Variants in RPS6KC1 observed in about 807,000 individuals in gnomAD.
RPS6KC1 encodes the protein inactive ribosomal protein S6 kinase delta-1.
Under a neutral mutation model 103.8 loss-of-function variants are expected in RPS6KC1, and 54 were observed. That is an observed-to-expected ratio of 0.52 (90% CI 0.42 to 0.65). The LOEUF (loss-of-function observed/expected upper bound fraction) is 0.65. RPS6KC1 is among the 30% of genes least tolerant of loss of function. The probability of loss-of-function intolerance (pLI) is 0.00; values close to 1 mark genes in which losing one functional copy is unlikely to be tolerated. For missense variants in RPS6KC1, 1,151 were observed against 1,253.8 expected (o/e 0.92, Z 1.24); for synonymous variants, 439 against 438.7 (o/e 1.00, Z -0.01).
chr1:213,376,583 G>A, the RPS6KC1 span, among the ~76,000 whole-genome samples: 18 of 151,554 alleles, frequency 1.2e-4, no homozygotes, highest in Admixed American at 1.2e-3. Flanking sequence ...GATGCAAACC[G>A]TTCCTCCGAT....
At chr1:213,567,728 C>T in the RPS6KC1 span, among the ~76,000 whole-genome samples, 4 of 152,156 alleles carry the variant, frequency 2.6e-5, no homozygotes, top group East Asian at 3.8e-4. Context: ...AGGAAATACA[C>T]GTGTAGAGGG....
chr1:213,197,477 T>A (rs936669553), intron 8 of RPS6KC1, among the ~76,000 whole-genome samples: 1 of 152,162 alleles, frequency 6.6e-6, no homozygotes, highest in African/African-American at 2.4e-5. Context: ...TGTTTTGTAG[T>A]TTTCCTTGTA....
At chr1:213,579,149 TTG>T in the RPS6KC1 span, among the ~76,000 whole-genome samples, 2 of 152,132 alleles carry the variant, frequency 1.3e-5, no homozygotes, top group Non-Finnish European at 2.9e-5. Context: ...ACATAATCTC[TTG>T]CCTGCTGCCA....
At position 213,167,942 on chromosome 1, in the gene RPS6KC1, A is replaced by T; in HGVS notation, c.920A>T (p.Tyr307Phe). 6.2e-7 allele frequency: 1 copy of T among 1,613,342 alleles called. No homozygotes were observed. The highest frequency in any genetic ancestry group is 8.5e-7 in the Non-Finnish European group (1 of 1,179,468). ...CGGGCAGAAAGTATCTCTAGTCTTT[A>T]TGGGAAACCTCAGCTTGATGATGTA... ...LMRAESISSL[Y>F]GKPQLDDVSQ... is the part of the protein sequence containing the mutation. The change falls in exon 7 of 15, where the codon TAT (tyrosine) becomes TTT (phenylalanine). Residue 307 changes from tyrosine to phenylalanine, a missense_variant. Physicochemically the swap from Tyr to Phe is conservative, Grantham distance 22. Around this residue, in one of 3 missense-constraint regions of RPS6KC1, gnomAD observed 959 missense variants for 1,006.3 expected, o/e 0.95. Coordinates refer to ENST00000366960, the MANE Select transcript of RPS6KC1 (RefSeq NM_012424.6).
chr1:213,466,490 G>A, the RPS6KC1 span, among the ~76,000 whole-genome samples: 2 of 152,188 alleles, frequency 1.3e-5, no homozygotes, highest in Non-Finnish European at 2.9e-5. Flanking sequence ...GGCCAGAGGA[G>A]CCCTTGCTGA....
chr1:213,205,551 T>G lies in RPS6KC1; in HGVS notation c.1045-24946T>G, dbSNP rs949447199. Among the ~76,000 whole-genome samples, 21 of 133,040 alleles carry G rather than the reference T, an allele frequency of 1.6e-4. 1 individual carries two copies. Among genetic ancestry groups the G allele is most frequent in the African/African-American group, 3.7e-4 (14 of 37,508 alleles). 87.3% of individuals were successfully genotyped at this position (133,040 alleles called of 152,430 possible). On this transcript the variant is annotated intron_variant, in intron 8 of 14. Transcript: ENST00000366960. ...ACAAACTCATTTATATATATAGATA[T>G]ATATATATATATATATTTCAAAAGA... is the stretch of plus-strand genomic sequence containing the variant.
At chr1:213,826,942 A>G in the RPS6KC1 span, among the ~76,000 whole-genome samples, 5 of 152,324 alleles carry the variant, frequency 3.3e-5, no homozygotes, top group South Asian at 6.2e-4. Context: ...TGCTGCTTCT[A>G]GTAGTCATTC....
chr1:213,811,042 C>T, the RPS6KC1 span, among the ~76,000 whole-genome samples: 1 of 152,172 alleles, frequency 6.6e-6, no homozygotes, highest in Non-Finnish European at 1.5e-5. Flanking sequence ...AAATAGTCCC[C>T]ATGCCTGATC....
the RPS6KC1 span, among the ~76,000 whole-genome samples, chr1:213,746,046 A>T: frequency 6.6e-6 from 1 of 152,238 alleles, no homozygotes; most frequent in African/African-American, 2.4e-5. Flanking sequence ...ACTATGTGCC[A>T]GGAGCTTAGC....
At chr1:213,845,694 A>G in the RPS6KC1 span, among the ~76,000 whole-genome samples, 1 of 152,180 alleles carries the variant, frequency 6.6e-6, no homozygotes. Flanking sequence ...CACCTACAAG[A>G]GTTTTGGCCC....
At chr1:213,115,189 C>G (rs1396267795) in intron 4 of RPS6KC1, among the ~76,000 whole-genome samples, 1 of 151,960 alleles carries the variant, frequency 6.6e-6, no homozygotes, top group Non-Finnish European at 1.5e-5. Context: ...GTCCTGGACT[C>G]TTTTTGGTTG....
chr1:213,242,036 G>T lies in RPS6KC1; in HGVS notation c.2560G>T (p.Ala854Ser). Residue 854 changes from alanine (A) to serine (S), a missense_variant, in exon 11 of 15, where the codon GCT becomes TCT. Physicochemically the swap from Ala to Ser is moderately conservative, Grantham distance 99 (BLOSUM62 1). Coordinates refer to ENST00000366960, the MANE Select transcript of RPS6KC1 (RefSeq NM_012424.6). ...LLFTDQTDDL[A>S]KEEPTSLFQR... is the part of the protein sequence containing the mutation. Reference sequence around the variant, plus strand: ...GTTTACAGATCAGACTGATGATTTGGCTAAAGAGGAACCAACTTCTTTATT... The same window carrying T: ...GTTTACAGATCAGACTGATGATTTGTCTAAAGAGGAACCAACTTCTTTATT... 4 of 1,614,040 alleles carry T rather than the reference G, an allele frequency of 2.5e-6. No homozygotes were observed. Among genetic ancestry groups the T allele is most frequent in the Non-Finnish European group, 3.4e-6 (4 of 1,179,952 alleles).
chr1:213,480,316 T>G, the RPS6KC1 span, among the ~76,000 whole-genome samples: 1 of 152,206 alleles, frequency 6.6e-6, no homozygotes, highest in South Asian at 2.1e-4. Context: ...CCCTAAAGTT[T>G]TACATGTGGT....
downstream of RPS6KC1, among the ~76,000 whole-genome samples, chr1:213,279,313 C>A (rs1297494484): frequency 2.0e-5 from 3 of 152,096 alleles, no homozygotes; most frequent in Non-Finnish European, 2.9e-5. Flanking sequence ...CTATTTCTCT[C>A]AAGTGTATAG....
intron 3 of RPS6KC1, among the ~76,000 whole-genome samples, chr1:213,086,356 T>A (rs2080398028): frequency 6.6e-6 from 1 of 152,202 alleles, no homozygotes; most frequent in East Asian, 1.9e-4. Flanking sequence ...GCTTCCTGCT[T>A]GCCAGTCTCA....
chr1:213,604,971 T>C, the RPS6KC1 span, among the ~76,000 whole-genome samples: 2 of 152,282 alleles, frequency 1.3e-5, no homozygotes, highest in East Asian at 3.9e-4. Context: ...CATCCTGTTC[T>C]CTCATATCTT....
intron 8 of RPS6KC1, among the ~76,000 whole-genome samples, chr1:213,206,749 G>T (rs2093359621): frequency 6.6e-6 from 1 of 152,000 alleles, no homozygotes; most frequent in Non-Finnish European, 1.5e-5. Flanking sequence ...GCTTAAAATT[G>T]GCCTAAATTA....
chr1:213,210,125 T>G (rs2093464772), intron 8 of RPS6KC1, among the ~76,000 whole-genome samples: 1 of 152,188 alleles, frequency 6.6e-6, no homozygotes, highest in Non-Finnish European at 1.5e-5. Flanking sequence ...CTATCTCATC[T>G]GTGACTAAGA....
chr1:213,669,378 A>G, the RPS6KC1 span, among the ~76,000 whole-genome samples: 124,718 of 152,000 alleles, frequency 0.82, 51,382 homozygotes, highest in East Asian at 1. Flanking sequence ...GCCAGTGGGC[A>G]GAGTGGTCGC....
Sources: gnomAD v4.1 joint callset for allele counts (sites outside exome capture counted in the v4.1 genomes callset) on GRCh38, gnomAD v4.1.1 for gene constraint, gnomAD v4.1.1 regional missense constraint, MANE v1.5 for transcripts, NCBI Gene and HGNC (gene_info 2026-07-23, HGNC 2026-07-21) for gene names.